ERBB4: variants seen among roughly 807,000 people sequenced by gnomAD.
ERBB4 encodes the protein receptor tyrosine-protein kinase erbB-4.
ERBB4 carries 42 observed loss-of-function variants against 158.0 expected under a neutral mutation model. The ratio of observed to expected loss-of-function variants is 0.27; its 90% CI spans 0.21 to 0.34. The LOEUF is 0.34. Among genes scored for constraint, ERBB4 ranks in the 10% least tolerant of loss-of-function variants. The pLI is 1.00. For missense variants in ERBB4, 1,333 were observed against 1,624.1 expected (o/e 0.82, Z 3.08); for synonymous variants, 583 against 558.7 (o/e 1.04, Z -0.61).
rs112426298 is a variant in ERBB4 at position 212,464,336 on chromosome 2, T to C, written c.82+74113A>G. 7.7e-3 allele frequency among the ~76,000 whole-genome samples: 1,171 copies of C among 152,254 alleles called. 22 individuals are homozygous for C. Among genetic ancestry groups the C allele is most frequent in the African/African-American group, 0.027 (1,105 of 41,568 alleles). On this transcript the variant is annotated intron_variant, in intron 1 of 27. Coordinates refer to ENST00000342788, the MANE Select transcript of ERBB4 (RefSeq NM_005235.3). ...TTTCTGAGACCAGAAGCTCTCTTTT[T>C]TATGGGTAAGTAAATATTTGCAAGC... is the stretch of plus-strand genomic sequence containing the variant.
chr2:211,515,302 C>A (rs889883426), intron 20 of ERBB4, among the ~76,000 whole-genome samples: 1 of 151,976 alleles, frequency 6.6e-6, no homozygotes, highest in African/African-American at 2.4e-5. Context: ...GGGTGTGACA[C>A]AGAAGTAATA....
chr2:212,219,343 CTA>C (rs1019294070), intron 1 of ERBB4, among the ~76,000 whole-genome samples: 30 of 151,440 alleles, frequency 2.0e-4, no homozygotes, highest in African/African-American at 6.8e-4. Context: ...AAATAGGTGA[CTA>C]TGTCACATTT....
At chr2:211,890,526 T>C (rs565410989) in intron 3 of ERBB4, among the ~76,000 whole-genome samples, 1 of 151,636 alleles carries the variant, frequency 6.6e-6, no homozygotes, top group Non-Finnish European at 1.5e-5. Flanking sequence ...GCTAACATCA[T>C]AATGACTGGA....
At chr2:211,685,397 TA>T in intron 12 of ERBB4, among the ~76,000 whole-genome samples, 1 of 152,230 alleles carries the variant, frequency 6.6e-6, no homozygotes, top group Non-Finnish European at 1.5e-5. Context: ...ACCCTTCCTC[TA>T]ATTAATTGCT....
At chr2:212,049,843 A>T (rs1321325674) in intron 2 of ERBB4, among the ~76,000 whole-genome samples, 2 of 152,140 alleles carry the variant, frequency 1.3e-5, no homozygotes, top group Non-Finnish European at 2.9e-5. Flanking sequence ...GAACGATTCC[A>T]CCATAATTTG....
chr2:211,412,816 T>C (rs1260844913), intron 25 of ERBB4, among the ~76,000 whole-genome samples: 1 of 151,454 alleles, frequency 6.6e-6, no homozygotes, highest in Middle Eastern at 3.2e-3. Flanking sequence ...TAGCCGAGTG[T>C]GGTGGCGTGT....
intron 1 of ERBB4, among the ~76,000 whole-genome samples, chr2:212,305,926 G>C (rs2106221395): frequency 6.6e-6 from 1 of 151,386 alleles, no homozygotes; most frequent in East Asian, 2.0e-4. Flanking sequence ...TAGCCTCAAT[G>C]TTTTTTAGAC....
At chr2:211,443,200 C>G (rs1325815578) in intron 20 of ERBB4, among the ~76,000 whole-genome samples, 1 of 151,916 alleles carries the variant, frequency 6.6e-6, no homozygotes, top group Non-Finnish European at 1.5e-5. Context: ...CAAACATAAC[C>G]TCATAACAAT....
At chr2:212,003,112 A>G (rs868627817) in intron 2 of ERBB4, among the ~76,000 whole-genome samples, 55 of 48,006 alleles carry the variant, frequency 1.1e-3, no homozygotes, top group Non-Finnish European at 1.6e-3. Context: ...AAAGAAAGAA[A>G]GAAGGAAGGA....
At chr2:211,550,293 A>G (rs2067051214) in intron 20 of ERBB4, among the ~76,000 whole-genome samples, 1 of 151,978 alleles carries the variant, frequency 6.6e-6, no homozygotes, top group Admixed American at 6.6e-5. Context: ...TGCAAGTTTG[A>G]TCACAGCTCT....
intron 2 of ERBB4, among the ~76,000 whole-genome samples, chr2:212,005,300 T>C (rs868436310): frequency 6.6e-6 from 1 of 152,158 alleles, no homozygotes; most frequent in Non-Finnish European, 1.5e-5. Context: ...GGAACCTCTC[T>C]AGTACCACCT....
At chr2:211,488,014 T>C (rs1383207387) in intron 20 of ERBB4, among the ~76,000 whole-genome samples, 5 of 151,646 alleles carry the variant, frequency 3.3e-5, no homozygotes, top group African/African-American at 7.3e-5. Flanking sequence ...AGTGCTTCTC[T>C]GGAAAAAAAA....
chr2:211,418,462 A>T (rs926192607), intron 25 of ERBB4, among the ~76,000 whole-genome samples: 5 of 152,290 alleles, frequency 3.3e-5, no homozygotes, highest in East Asian at 3.9e-4. Context: ...TCTACAGGTA[A>T]CATTGTTTTA....
intron 1 of ERBB4, among the ~76,000 whole-genome samples, chr2:212,367,325 CAT>C (rs1259389439): frequency 6.6e-6 from 1 of 151,964 alleles, no homozygotes; most frequent in African/African-American, 2.4e-5. Context: ...CAAACAAAAA[CAT>C]AAAGTGGGGA....
intron 12 of ERBB4, among the ~76,000 whole-genome samples, chr2:211,698,890 C>T (rs1167872554): frequency 6.6e-6 from 1 of 152,126 alleles, no homozygotes; most frequent in Admixed American, 6.5e-5. Flanking sequence ...TGATAGATGC[C>T]CAAAATATTC....
At chr2:212,192,060 ATATGT>A (rs1245723134) in intron 1 of ERBB4, among the ~76,000 whole-genome samples, 1 of 119,862 alleles carries the variant, frequency 8.3e-6, no homozygotes, top group East Asian at 2.2e-4. Context: ...TATATGTTAT[ATATGT>A]TATATGTTAT....
At chr2:211,544,293 A>G (rs2066886300) in intron 20 of ERBB4, among the ~76,000 whole-genome samples, 1 of 152,066 alleles carries the variant, frequency 6.6e-6, no homozygotes, top group Non-Finnish European at 1.5e-5. Context: ...TGCCTTTGGT[A>G]TATTTTTATA....
chr2:212,162,643 G>A (rs1326742447), intron 1 of ERBB4, among the ~76,000 whole-genome samples: 3 of 151,854 alleles, frequency 2.0e-5, no homozygotes, highest in Non-Finnish European at 4.4e-5. Flanking sequence ...CTACATTTCT[G>A]ATTTCTGCAA....
intron 1 of ERBB4, among the ~76,000 whole-genome samples, chr2:212,377,690 C>A (rs533294518): frequency 1.3e-4 from 20 of 151,824 alleles, no homozygotes; most frequent in Non-Finnish European, 2.9e-4. Context: ...GGCACTACAG[C>A]TACTACTGCA....
Sources: gnomAD v4.1 joint callset for allele counts (sites outside exome capture counted in the v4.1 genomes callset) on GRCh38, gnomAD v4.1.1 for gene constraint, MANE v1.5 for transcripts, NCBI Gene and HGNC (gene_info 2026-07-23, HGNC 2026-07-21) for gene names.